Variants in ZNF804B observed in about 807,000 individuals in gnomAD.
ZNF804B encodes the protein zinc finger 804B.
A neutral mutation model predicts 101.4 loss-of-function variants in ZNF804B; 80 were observed. That is an observed-to-expected ratio of 0.79 (90% CI 0.66 to 0.95). The LOEUF (loss-of-function observed/expected upper bound fraction) is 0.95, where lower values mean the gene tolerates loss of function less well. Ranked by LOEUF, ZNF804B falls within the 40% of genes least tolerant of loss-of-function variation. The pLI, the probability that ZNF804B is intolerant of heterozygous loss-of-function variation, is 0.00. For missense variants in ZNF804B, 1,673 were observed against 1,561.9 expected (o/e 1.07, Z -1.20); for synonymous variants, 622 against 558.8 (o/e 1.11, Z -1.59).
intron 1 of ZNF804B, among the ~76,000 whole-genome samples, chr7:89,124,412 T>C (rs1790449694): frequency 6.6e-6 from 1 of 152,132 alleles, no homozygotes; most frequent in Non-Finnish European, 1.5e-5. Flanking sequence ...TGAAAGCATA[T>C]ACAAAACTGC....
chr7:88,852,448 T>C (rs1011361443), intron 1 of ZNF804B, among the ~76,000 whole-genome samples: 4 of 152,002 alleles, frequency 2.6e-5, no homozygotes, highest in African/African-American at 9.7e-5. Flanking sequence ...GATTTATGAG[T>C]ACCCAACAAT....
intron 1 of ZNF804B, among the ~76,000 whole-genome samples, chr7:88,881,480 G>C (rs1219678033): frequency 6.6e-6 from 1 of 152,082 alleles, no homozygotes; most frequent in Admixed American, 6.6e-5. Flanking sequence ...TCTAAGAATA[G>C]AACAATCAGC....
rs1350285241 is a variant in ZNF804B, at chr7:89,229,383, T to C, written c.249+11088T>C. On this transcript the variant is annotated intron_variant, in intron 2 of 3. Transcript: ENST00000333190. ...TTAAAAGAAAACTAATAGAGAAACA[T>C]GCACCGTGAATACTAGCTGGAAGAG... Among the ~76,000 whole-genome samples, 3 of 152,152 alleles carry C rather than the reference T, an allele frequency of 2.0e-5. 1 individual carries two copies. The highest frequency in any genetic ancestry group is 4.1e-4 in the South Asian group (2 of 4,824).
chr7:88,811,482 C>T (rs1320507475), intron 1 of ZNF804B, among the ~76,000 whole-genome samples: 1 of 152,090 alleles, frequency 6.6e-6, no homozygotes, highest in East Asian at 1.9e-4. Context: ...TGTATATACC[C>T]AAAGGACTAT....
Position 89,223,606 on chromosome 7 carries a change from ATTAT to A in ZNF804B, c.249+5338_249+5341del, listed in dbSNP as rs35199718. Among the ~76,000 whole-genome samples, 419 of 146,830 alleles carry A rather than the reference ATTAT, an allele frequency of 2.9e-3. 4 individuals carry two copies. The highest frequency in any genetic ancestry group is 7.1e-3 in the African/African-American group (286 of 40,188). Reference sequence around the variant, plus strand: ...TTCTATAATTTGAATAAAAATTAAGATTATTTATTTATTTATTTATTTATTTATT... The same window carrying A: ...TTCTATAATTTGAATAAAAATTAAGATTATTTATTTATTTATTTATTTATT... On this transcript the variant is annotated intron_variant, in intron 2 of 3. Transcript: ENST00000333190.
chr7:89,057,805 G>T (rs1283657079), intron 1 of ZNF804B, among the ~76,000 whole-genome samples: 2 of 152,070 alleles, frequency 1.3e-5, no homozygotes, highest in East Asian at 3.9e-4. Context: ...AAATCTCCTT[G>T]ATTTCCTCCC....
chr7:88,921,437 C>T (rs1792717558), intron 1 of ZNF804B, among the ~76,000 whole-genome samples: 1 of 152,068 alleles, frequency 6.6e-6, no homozygotes, highest in African/African-American at 2.4e-5. Flanking sequence ...AGTGAGTTAC[C>T]TCACCCAAAG....
At chr7:89,310,597 T>A (rs913808715) in intron 2 of ZNF804B, among the ~76,000 whole-genome samples, 4 of 152,194 alleles carry the variant, frequency 2.6e-5, no homozygotes, top group Non-Finnish European at 4.4e-5. Context: ...ACTTTGCAGG[T>A]ATGTTCAAAC....
intron 1 of ZNF804B, among the ~76,000 whole-genome samples, chr7:88,819,604 T>G (rs1270538455): frequency 1.3e-5 from 2 of 152,158 alleles, no homozygotes; most frequent in Non-Finnish European, 2.9e-5. Flanking sequence ...TGACTTGTCC[T>G]AGGGACACAA....
At chr7:88,860,382 A>G (rs1016938923) in intron 1 of ZNF804B, among the ~76,000 whole-genome samples, 5 of 152,054 alleles carry the variant, frequency 3.3e-5, no homozygotes, top group South Asian at 2.1e-4. Flanking sequence ...TACAGGTGAC[A>G]TATTTATTTT....
At chr7:89,225,605 AC>A (rs1789078086) in intron 2 of ZNF804B, among the ~76,000 whole-genome samples, 1 of 152,086 alleles carries the variant, frequency 6.6e-6, no homozygotes, top group South Asian at 2.1e-4. Flanking sequence ...CAATACATTG[AC>A]CTATCATTGA....
intron 1 of ZNF804B, among the ~76,000 whole-genome samples, chr7:88,823,285 A>G (rs1791009131): frequency 6.6e-6 from 1 of 152,196 alleles, no homozygotes; most frequent in African/African-American, 2.4e-5. Context: ...GTGCATATAT[A>G]CAGTAGTGAG....
intron 2 of ZNF804B, among the ~76,000 whole-genome samples, chr7:89,240,105 T>C (rs1289128385): frequency 6.6e-6 from 1 of 151,118 alleles, no homozygotes; most frequent in Non-Finnish European, 1.5e-5. Context: ...CTAGTATTTT[T>C]AAAAGAGAAG....
rs1040834032 is a variant in ZNF804B at position 89,104,005 on chromosome 7, C to T, written c.109-114150C>T. On this transcript the variant is annotated intron_variant, in intron 1 of 3. Coordinates refer to ENST00000333190, the MANE Select transcript of ZNF804B (RefSeq NM_181646.5). ...GAGATAACCATATGGTTTTTGTTCT[C>T]AGCATTGTTTATATAGTGGACAATG... Among the ~76,000 whole-genome samples the T allele has an allele frequency of 5.3e-5, 8 of 151,832 alleles. No individual in the cohort carries two copies. In the East Asian group the frequency reaches 1.5e-3, roughly 29 times the overall value.
Position 88,893,793 on chromosome 7 carries a change from A to C in ZNF804B, c.108+133709A>C, listed in dbSNP as rs1490332535. ...AATAACTTTATAAAACAGAGGAAACAGTAATTACATGGCTATTTTTAACTT... is the reference window on the plus strand; with the variant it reads ...AATAACTTTATAAAACAGAGGAAACCGTAATTACATGGCTATTTTTAACTT... On this transcript the variant is annotated intron_variant, in intron 1 of 3. Coordinates refer to ENST00000333190, the MANE Select transcript of ZNF804B (RefSeq NM_181646.5). 4.6e-5 allele frequency among the ~76,000 whole-genome samples: 7 copies of C among 152,334 alleles called. No individual in the cohort carries two copies. The East Asian group carries it at 1.3e-3, about 29-fold the overall frequency.
intron 1 of ZNF804B, among the ~76,000 whole-genome samples, chr7:89,144,298 G>A (rs1790758574): frequency 6.6e-6 from 1 of 151,926 alleles, no homozygotes; most frequent in Non-Finnish European, 1.5e-5. Flanking sequence ...TAAGCTTTAA[G>A]ATCTGGATTA....
chr7:89,073,152 G>T (rs1264984574), intron 1 of ZNF804B, among the ~76,000 whole-genome samples: 1 of 152,134 alleles, frequency 6.6e-6, no homozygotes, highest in Non-Finnish European at 1.5e-5. Flanking sequence ...AAATAAATTA[G>T]TGAGCACTGG....
intron 1 of ZNF804B, among the ~76,000 whole-genome samples, chr7:89,158,608 A>G (rs941956900): frequency 2.6e-5 from 4 of 152,122 alleles, no homozygotes; most frequent in Admixed American, 2.6e-4. Context: ...AATCTTCTTC[A>G]TCTTGCTTAA....
intron 1 of ZNF804B, among the ~76,000 whole-genome samples, chr7:89,204,636 A>G (rs1788690538): frequency 6.6e-6 from 1 of 152,160 alleles, no homozygotes; most frequent in Non-Finnish European, 1.5e-5. Context: ...CATGCAAAGT[A>G]AGTCTCATGT....
Sources: gnomAD v4.1 joint callset for allele counts (sites outside exome capture counted in the v4.1 genomes callset) on GRCh38, gnomAD v4.1.1 for gene constraint, MANE v1.5 for transcripts, NCBI Gene and HGNC (gene_info 2026-07-23, HGNC 2026-07-21) for gene names.